NOSTRIN: variants seen among roughly 807,000 people sequenced by gnomAD.
The protein encoded by NOSTRIN is nitric oxide synthase trafficking, also known as BM247 homolog.
A neutral mutation model predicts 59.0 loss-of-function variants in NOSTRIN; 63 were observed. That is an observed-to-expected ratio of 1.07 (90% CI 0.87 to 1.32). NOSTRIN has a LOEUF of 1.32. Ranked by LOEUF, NOSTRIN falls within the 40% of genes most tolerant of loss-of-function variation. NOSTRIN has a pLI of 0.00. For missense variants in NOSTRIN, 512 were observed against 473.1 expected (o/e 1.08, Z -0.76); for synonymous variants, 200 against 165.4 (o/e 1.21, Z -1.61).
At chr2:168,827,050 C>A (rs1191419075) in intron 3 of NOSTRIN, among the ~76,000 whole-genome samples, 1 of 152,190 alleles carries the variant, frequency 6.6e-6, no homozygotes, top group African/African-American at 2.4e-5. Flanking sequence ...TGGTCTAGTT[C>A]TCTTATTCTT....
chr2:168,822,444 T>C (rs1327186709), intron 2 of NOSTRIN, among the ~76,000 whole-genome samples: 1 of 152,230 alleles, frequency 6.6e-6, no homozygotes, highest in Non-Finnish European at 1.5e-5. Context: ...GCTCAGTCTA[T>C]GCCACGGAGT....
intron 3 of NOSTRIN, among the ~76,000 whole-genome samples, chr2:168,825,176 G>A (rs1338935521): frequency 6.6e-6 from 1 of 152,218 alleles, no homozygotes; most frequent in Admixed American, 6.5e-5. Flanking sequence ...CTGTGTGCAT[G>A]CACTGTGTTA....
intron 8 of NOSTRIN, among the ~76,000 whole-genome samples, chr2:168,847,079 A>G (rs1462696908): frequency 1.3e-5 from 2 of 152,258 alleles, no homozygotes; most frequent in Non-Finnish European, 2.9e-5. Context: ...CTAAGTGAAT[A>G]AACACGCCTG....
chr2:168,834,509 A>ACACACG (rs1553527221), intron 7 of NOSTRIN, among the ~76,000 whole-genome samples, 184 bp downstream of exon 7: 6 of 41,724 alleles, frequency 1.4e-4, no homozygotes, highest in African/African-American at 2.4e-4. Flanking sequence ...GCGCGCGCGC[A>ACACACG]CACACACACA....
intron 8 of NOSTRIN, among the ~76,000 whole-genome samples, chr2:168,845,467 AC>A (rs1186217784): frequency 6.6e-6 from 1 of 152,190 alleles, no homozygotes; most frequent in Non-Finnish European, 1.5e-5. Flanking sequence ...AATGGGTCCT[AC>A]CTGGTGTAGC....
At chr2:168,828,910 T>C (rs955969714) in intron 5 of NOSTRIN, among the ~76,000 whole-genome samples, 5 of 151,542 alleles carry the variant, frequency 3.3e-5, no homozygotes, top group Non-Finnish European at 7.4e-5. Flanking sequence ...AATGAATATG[T>C]ATATATATGT....
At chr2:168,823,295 C>CG (rs2105605546) in intron 2 of NOSTRIN, among the ~76,000 whole-genome samples, 1 of 152,300 alleles carries the variant, frequency 6.6e-6, no homozygotes, top group East Asian at 1.9e-4. Flanking sequence ...GGATTACAGG[C>CG]GTGAGCCACC....
At chr2:168,850,891 G>T (rs1232614627) in intron 8 of NOSTRIN, 193 bp from the exon 9 acceptor site, 1 of 797,340 alleles carries the variant, frequency 1.3e-6, no homozygotes, top group South Asian at 1.4e-5. Flanking sequence ...TGGGGAAAGT[G>T]TGTGAGTGAT....
intron 5 of NOSTRIN, among the ~76,000 whole-genome samples, chr2:168,830,625 G>A (rs1410358610): frequency 6.6e-6 from 1 of 152,196 alleles, no homozygotes; most frequent in Admixed American, 6.5e-5. Flanking sequence ...ATCTCCCTGG[G>A]AAGTTGTCTA....
chr2:168,821,942 A>G (rs1308452931), intron 2 of NOSTRIN, among the ~76,000 whole-genome samples: 2 of 152,202 alleles, frequency 1.3e-5, no homozygotes, highest in African/African-American at 4.8e-5. Context: ...TGGGCTCTCA[A>G]CACATTTTAA....
At chr2:168,802,476 C>A, upstream of NOSTRIN, 1 of 609,820 alleles carries the variant, frequency 1.6e-6, no homozygotes, top group Non-Finnish European at 3.0e-6. Flanking sequence ...TTTCTCGGGA[C>A]ACAAACGGGA....
intron 12 of NOSTRIN, among the ~76,000 whole-genome samples, chr2:168,857,679 A>G (rs553907795): frequency 1.7e-4 from 26 of 152,372 alleles, no homozygotes; most frequent in African/African-American, 4.6e-4. Context: ...TGCTGTGATT[A>G]GAGATCATGA....
intron 12 of NOSTRIN, among the ~76,000 whole-genome samples, chr2:168,857,269 A>C (rs1689185830): frequency 6.6e-6 from 1 of 152,236 alleles, no homozygotes; most frequent in East Asian, 1.9e-4. Context: ...GGAGGAGCTC[A>C]AAAACTAGTA....
intron 8 of NOSTRIN, among the ~76,000 whole-genome samples, chr2:168,843,548 T>A (rs1483485409): frequency 6.6e-6 from 1 of 152,192 alleles, no homozygotes; most frequent in East Asian, 1.9e-4. Context: ...ATGCTTGAGA[T>A]GTGTACATCT....
intron 3 of NOSTRIN, among the ~76,000 whole-genome samples, chr2:168,825,182 T>A (rs1415813346): frequency 6.6e-6 from 1 of 152,212 alleles, no homozygotes; most frequent in East Asian, 1.9e-4. Context: ...GCATGCACTG[T>A]GTTAATGCTT....
At chr2:168,846,226 C>T (rs1251561655) in intron 8 of NOSTRIN, among the ~76,000 whole-genome samples, 2 of 152,088 alleles carry the variant, frequency 1.3e-5, no homozygotes, top group African/African-American at 2.4e-5. Context: ...AGACATATAA[C>T]AAAAACAGCC....
At chr2:168,842,899 A>C in intron 7 of NOSTRIN, 93 bp from the exon 8 acceptor site, 1 of 786,644 alleles carries the variant, frequency 1.3e-6, no homozygotes, top group East Asian at 2.4e-5. Context: ...GGTGAGAAAC[A>C]TATCATTGAG....
intron 6 of NOSTRIN, among the ~76,000 whole-genome samples, chr2:168,833,900 G>A (rs1364570516): frequency 6.6e-6 from 1 of 152,198 alleles, no homozygotes; most frequent in Non-Finnish European, 1.5e-5. Flanking sequence ...AAGCCATTAT[G>A]CTCACTAGAA....
In NOSTRIN at chr2:168,790,985, CT is replaced by C. The variant is rs1245905468; in HGVS notation, c.-473+2944del. 6.6e-5 allele frequency among the ~76,000 whole-genome samples: 10 copies of C among 151,968 alleles called. No individual in the cohort carries two copies. In the South Asian group the frequency reaches 2.1e-3, roughly 32 times the overall value. ...TATTTTTAATCAATATATTTGTTTT[CT>C]TTTTTTAAATTTTATTATTATTACA... is the stretch of plus-strand genomic sequence containing the variant. On this transcript the variant is annotated intron_variant, in intron 2 of 20. Coordinates refer to the NOSTRIN transcript ENST00000458381.
Sources: allele counts gnomAD v4.1 joint callset (sites outside exome capture counted in the v4.1 genomes callset), GRCh38; gene constraint gnomAD v4.1.1; transcripts MANE v1.5; gene names NCBI Gene and HGNC (gene_info 2026-07-23, HGNC 2026-07-21).